The following BICC1 variants were observed in gnomAD, a reference collection of about 807,000 sequenced individuals.
BICC1 encodes the protein protein bicaudal C homolog 1.
Under a neutral mutation model 111.0 loss-of-function variants are expected in BICC1, and 43 were observed. The ratio of observed to expected loss-of-function variants is 0.39; its 90% CI spans 0.30 to 0.50. The LOEUF (loss-of-function observed/expected upper bound fraction) is 0.50, where lower values mean the gene tolerates loss of function less well. Ranked by LOEUF, BICC1 falls within the 20% of genes least tolerant of loss-of-function variation. BICC1 has a pLI of 0.88. For missense variants in BICC1, 1,091 were observed against 1,203.2 expected (o/e 0.91, Z 1.38); for synonymous variants, 467 against 434.4 (o/e 1.07, Z -0.93).
intron 1 of BICC1, among the ~76,000 whole-genome samples, chr10:58,559,634 A>G (rs1843549366): frequency 6.6e-6 from 1 of 152,066 alleles, no homozygotes. Flanking sequence ...GTTGAATGTG[A>G]GTGGTAAAAG....
intron 3 of BICC1, among the ~76,000 whole-genome samples, chr10:58,752,766 C>A (rs1283704294): frequency 6.6e-6 from 1 of 152,118 alleles, no homozygotes; most frequent in Non-Finnish European, 1.5e-5. Flanking sequence ...TTTACTTTAC[C>A]ATGCACTTTC....
chr10:58,551,687 A>T (rs1215972257), intron 1 of BICC1, among the ~76,000 whole-genome samples: 1 of 152,020 alleles, frequency 6.6e-6, no homozygotes, highest in Non-Finnish European at 1.5e-5. Flanking sequence ...CCATCATTCT[A>T]CTATTTGTTT....
At chr10:58,728,346 G>T (rs1341953167) in intron 3 of BICC1, among the ~76,000 whole-genome samples, 1 of 152,112 alleles carries the variant, frequency 6.6e-6, no homozygotes, top group Non-Finnish European at 1.5e-5. Flanking sequence ...AGAAGACAAA[G>T]AACCCATGTT....
At chr10:58,513,384 T>C (rs2132482605) in intron 1 of BICC1, 51 bp downstream of exon 1, 1 of 1,491,460 alleles carries the variant, frequency 6.7e-7, no homozygotes. Flanking sequence ...CTAACTCCTT[T>C]TCGGACATCC....
intron 3 of BICC1, among the ~76,000 whole-genome samples, chr10:58,751,759 A>T: frequency 6.6e-6 from 1 of 151,982 alleles, no homozygotes; most frequent in Non-Finnish European, 1.5e-5. Flanking sequence ...TGTTTAGGAG[A>T]GACAAACTTT....
At chr10:58,794,195 G>A (rs1843276404) in intron 9 of BICC1, among the ~76,000 whole-genome samples, 1 of 150,906 alleles carries the variant, frequency 6.6e-6, no homozygotes, top group Non-Finnish European at 1.5e-5. Flanking sequence ...GTGTGTGTGT[G>A]TGTGTGTGTG....
At chr10:58,681,201 C>CA (rs1238927159) in intron 2 of BICC1, among the ~76,000 whole-genome samples, 1 of 152,168 alleles carries the variant, frequency 6.6e-6, no homozygotes, top group African/African-American at 2.4e-5. Flanking sequence ...TTCTGCCTAG[C>CA]AAAAGCAACT....
chr10:58,806,093 G>A (rs1589157494), intron 15 of BICC1, among the ~76,000 whole-genome samples: 1 of 152,196 alleles, frequency 6.6e-6, no homozygotes, highest in Admixed American at 6.5e-5. Context: ...GACTATGCCA[G>A]TTAGGTTAAA....
At chr10:58,718,729 T>C (rs1467176393) in intron 3 of BICC1, among the ~76,000 whole-genome samples, 1 of 150,058 alleles carries the variant, frequency 6.7e-6, no homozygotes, top group Non-Finnish European at 1.5e-5. Flanking sequence ...TCCTCAATAT[T>C]AATAGCATGG....
chr10:58,683,272 T>C (rs575698071), intron 2 of BICC1, among the ~76,000 whole-genome samples: 2 of 152,342 alleles, frequency 1.3e-5, no homozygotes, highest in Admixed American at 6.5e-5. Flanking sequence ...ACCATGCTGT[T>C]TTGGTTACCA....
rs536291492 is a variant in BICC1 at position 58,757,602 on chromosome 10, G to A, written c.308-27399G>A. Among the ~76,000 whole-genome samples the A allele has an allele frequency of 1.0e-3, 159 of 152,226 alleles. 2 individuals carry two copies. The highest frequency in any genetic ancestry group is 3.4e-3 in the African/African-American group (141 of 41,532). On this transcript the variant is annotated intron_variant, in intron 3 of 20. Coordinates refer to ENST00000373886, the MANE Select transcript of BICC1 (RefSeq NM_001080512.3). Reference sequence around the variant, plus strand: ...TCAGTTCCTTTAAGAGATTGAGTCCGTAAAAAGGGACAGGAAGGGCACAGG... The same window carrying A: ...TCAGTTCCTTTAAGAGATTGAGTCCATAAAAAGGGACAGGAAGGGCACAGG...
intron 20 of BICC1, among the ~76,000 whole-genome samples, chr10:58,822,762 T>C (rs550064519): frequency 2.0e-5 from 3 of 152,302 alleles, no homozygotes; most frequent in African/African-American, 4.8e-5. Flanking sequence ...GTTCAACTTA[T>C]CTCATAACAA....
chr10:58,599,465 A>G (rs10826203), intron 1 of BICC1, among the ~76,000 whole-genome samples: 37,617 of 152,002 alleles, frequency 0.25, 5,221 homozygotes, highest in East Asian at 0.46. Flanking sequence ...ACACATGGAC[A>G]TAGGGAGGGG....
chr10:58,753,151 GTTGTTGTTGTTT>G (rs1053494290), intron 3 of BICC1, among the ~76,000 whole-genome samples: 10 of 152,150 alleles, frequency 6.6e-5, no homozygotes, highest in African/African-American at 2.2e-4. Context: ...TTGATTTTAC[GTTGTTGTTGTTT>G]TTGTTGTTGT....
intron 15 of BICC1, 122 bp downstream of exon 15, chr10:58,803,364 A>G (rs1843613194): frequency 1.2e-6 from 1 of 819,748 alleles, no homozygotes; most frequent in East Asian, 3.1e-5. Flanking sequence ...TACATTCAAA[A>G]TGAAATTTAA....
Position 58,704,098 on chromosome 10 carries a change from A to G in BICC1, c.307+1955A>G, listed in dbSNP as rs140336319. ...CTTAACCCATTCAAAATGGCCAACTATATTGCACATTTTGATTATATATTT... is the reference window on the plus strand; with the variant it reads ...CTTAACCCATTCAAAATGGCCAACTGTATTGCACATTTTGATTATATATTT... On this transcript the variant is annotated intron_variant, in intron 3 of 20. Coordinates refer to ENST00000373886, the MANE Select transcript of BICC1 (RefSeq NM_001080512.3). Among the ~76,000 whole-genome samples the G allele has an allele frequency of 8.5e-5, 13 of 152,294 alleles. No homozygotes were observed. The East Asian group carries it at 2.5e-3, about 29-fold the overall frequency.
At chr10:58,644,893 T>C (rs913436007) in intron 2 of BICC1, among the ~76,000 whole-genome samples, 4 of 152,202 alleles carry the variant, frequency 2.6e-5, no homozygotes, top group Non-Finnish European at 4.4e-5. Context: ...TATATATATT[T>C]TAAGTCAGAG....
intron 1 of BICC1, among the ~76,000 whole-genome samples, chr10:58,523,731 G>A (rs1589059810): frequency 6.6e-6 from 1 of 152,136 alleles, no homozygotes; most frequent in South Asian, 2.1e-4. Context: ...AAGAAAGAAA[G>A]GGTATTCAAT....
At chr10:58,582,252 T>G (rs1043322939) in intron 1 of BICC1, among the ~76,000 whole-genome samples, 2 of 152,248 alleles carry the variant, frequency 1.3e-5, no homozygotes, top group Non-Finnish European at 2.9e-5. Flanking sequence ...CTCTCCACTT[T>G]ATATTTACAG....
Sources: allele counts gnomAD v4.1 joint callset (sites outside exome capture counted in the v4.1 genomes callset), GRCh38; gene constraint gnomAD v4.1.1; transcripts MANE v1.5; gene names NCBI Gene and HGNC (gene_info 2026-07-23, HGNC 2026-07-21).